The following NTSR1 variants were observed in gnomAD, a reference collection of about 807,000 sequenced individuals.
The protein encoded by NTSR1 is neurotensin receptor type 1.
In NTSR1, 29 loss-of-function variants were observed where a neutral mutation model predicts 31.2. The ratio of observed to expected loss-of-function variants is 0.93; its 90% CI spans 0.69 to 1.27. The LOEUF (loss-of-function observed/expected upper bound fraction) is 1.27, where lower values mean the gene tolerates loss of function less well. NTSR1 is among the 50% of genes most tolerant of loss of function. The pLI is 0.00. For synonymous variants in NTSR1, 282 were observed against 269.9 expected, an observed-to-expected ratio of 1.04 and a Z score of -0.44; for missense variants, 697 against 595.4, an observed-to-expected ratio of 1.17 and a Z score of -1.78.
intron 1 of NTSR1, among the ~76,000 whole-genome samples, chr20:62,713,119 G>C (rs781144123): frequency 2.0e-5 from 3 of 152,302 alleles, no homozygotes; most frequent in Non-Finnish European, 2.9e-5. Flanking sequence ...TCACAGGCAC[G>C]AGTCCATTAG....
At chr20:62,752,698 T>C (rs1472668017) in intron 1 of NTSR1, among the ~76,000 whole-genome samples, 4 of 152,308 alleles carry the variant, frequency 2.6e-5, no homozygotes, top group South Asian at 2.1e-4. Flanking sequence ...GTTGGATACA[T>C]TGGTGCTGTT....
rs984943868 is a variant in NTSR1, at chr20:62,709,027, C to T, written c.-181C>T. On this transcript the variant is annotated 5_prime_UTR_variant, in exon 1 of 4. Coordinates refer to ENST00000370501, the MANE Select transcript of NTSR1 (RefSeq NM_002531.3). ...CCGGAGGAGAGCGGAGCCCGGAGCC[C>T]GGAGCCCGGGGCGGCGCGTCTGGGT... 1.1e-5 allele frequency: 5 copies of T among 472,756 alleles called. No homozygotes were observed. The highest frequency in any genetic ancestry group is 5.4e-4 in the Middle Eastern group (1 of 1,868). 29.3% of individuals were successfully genotyped at this position (472,756 alleles called of 1,614,324 possible). A position where few individuals can be genotyped will look rare whatever the true frequency, so the allele number is the denominator to read the frequency against.
chr20:62,749,738 A>G (rs1989360703), intron 1 of NTSR1, among the ~76,000 whole-genome samples: 1 of 152,198 alleles, frequency 6.6e-6, no homozygotes, highest in Admixed American at 6.5e-5. Context: ...TCAAAACCAC[A>G]GTGAGCTATC....
intron 1 of NTSR1, among the ~76,000 whole-genome samples, chr20:62,746,170 C>T (rs1989297579): frequency 6.6e-6 from 1 of 152,188 alleles, no homozygotes; most frequent in African/African-American, 2.4e-5. Context: ...CCCCACACTA[C>T]CCCAGCCTGG....
At chr20:62,737,211 T>G (rs1171010795) in intron 1 of NTSR1, among the ~76,000 whole-genome samples, 1 of 152,158 alleles carries the variant, frequency 6.6e-6, no homozygotes, top group Non-Finnish European at 1.5e-5. Flanking sequence ...CACCTGGAGT[T>G]GTAAAGTTTC....
chr20:62,738,678 C>T (rs1328610398), intron 1 of NTSR1, among the ~76,000 whole-genome samples: 1 of 152,264 alleles, frequency 6.6e-6, no homozygotes, highest in Non-Finnish European at 1.5e-5. Context: ...TGCACTGCCT[C>T]TCTTCTGCCC....
At chr20:62,746,083 G>A (rs3787526) in intron 1 of NTSR1, among the ~76,000 whole-genome samples, 26,258 of 152,158 alleles carry the variant, frequency 0.17, 4,046 homozygotes, top group African/African-American at 0.41. Flanking sequence ...AGGGACGGGG[G>A]CCACACTAGC....
chr20:62,750,282 T>C (rs1989370667), intron 1 of NTSR1, among the ~76,000 whole-genome samples: 1 of 151,926 alleles, frequency 6.6e-6, no homozygotes, highest in Non-Finnish European at 1.5e-5. Flanking sequence ...GAGCACTGAG[T>C]GCTGGGGGAG....
chr20:62,710,932 C>T (rs77696049), intron 1 of NTSR1, among the ~76,000 whole-genome samples: 3,294 of 152,254 alleles, frequency 0.022, 125 homozygotes, highest in African/African-American at 0.076. Context: ...TACCTCTGCC[C>T]AGCTAGAGGG....
At position 62,732,591 on chromosome 20, in the gene NTSR1, T is replaced by C. The variant is rs1374071224; in HGVS notation, c.715-22094T>C. The C allele has an allele frequency of 1.3e-5, 2 of 152,222 alleles. No homozygotes were observed. The highest frequency in any genetic ancestry group is 2.9e-5 in the Non-Finnish European group (2 of 68,050). 9.4% of individuals were successfully genotyped at this position (152,222 alleles called of 1,614,324 possible). On this transcript the variant is annotated intron_variant, in intron 1 of 3. Transcript: ENST00000370501. The surrounding 1 kb of genome is among the most constrained non-coding windows in gnomAD (Gnocchi z 4.0). The stretch of plus-strand genomic sequence containing the variant: ...GGGAAATCCTGTGGTGTATAATTCT[T>C]AGTATGTGATGCTGGATTTGCTGCT...
chr20:62,759,753 A>G (rs374231118), intron 3 of NTSR1, among the ~76,000 whole-genome samples: 10 of 136,676 alleles, frequency 7.3e-5, no homozygotes, highest in African/African-American at 2.7e-5. Flanking sequence ...CCAGCCTGGG[A>G]GACAGAGCGA....
intron 1 of NTSR1, among the ~76,000 whole-genome samples, chr20:62,725,702 A>G (rs868176033): frequency 4.6e-5 from 7 of 152,172 alleles, no homozygotes; most frequent in African/African-American, 1.4e-4. Context: ...AGGTGGGCAC[A>G]GACGCCGCCG....
intron 1 of NTSR1, among the ~76,000 whole-genome samples, chr20:62,730,683 G>A (rs115683765): frequency 2.1e-4 from 32 of 152,348 alleles, no homozygotes; most frequent in African/African-American, 7.0e-4. Flanking sequence ...GCACGGCTGC[G>A]CCATTTTGAA....
At chr20:62,710,817 A>G (rs563489567) in intron 1 of NTSR1, among the ~76,000 whole-genome samples, 8 of 152,252 alleles carry the variant, frequency 5.3e-5, no homozygotes, top group South Asian at 2.1e-4. Flanking sequence ...CCGGTCGGGA[A>G]CTTTGAAAGG....
At position 62,760,340 on chromosome 20, in the gene NTSR1, C is replaced by T; in HGVS notation, c.*73C>T. On this transcript the variant is annotated 3_prime_UTR_variant, in exon 4 of 4. Coordinates refer to ENST00000370501, the MANE Select transcript of NTSR1 (RefSeq NM_002531.3). ...TGCCCCCGACAGACAGAGCAGCCCCCACCCGGGAGCCTTGATGGGGGTCAG... is the reference window on the plus strand; with the variant it reads ...TGCCCCCGACAGACAGAGCAGCCCCTACCCGGGAGCCTTGATGGGGGTCAG... 3.3e-6 allele frequency: 5 copies of T among 1,515,488 alleles called. No individual in the cohort carries two copies. The South Asian group carries it at 5.1e-5, about 15-fold the overall frequency. The allele number at this position is 1,515,488 out of a possible 1,614,324, so 93.9% of individuals were successfully genotyped here. A position where few individuals can be genotyped will look rare whatever the true frequency, so the allele number is the denominator to read the frequency against.
At chr20:62,722,185 G>A (rs1212103028) in intron 1 of NTSR1, among the ~76,000 whole-genome samples, 2 of 152,136 alleles carry the variant, frequency 1.3e-5, no homozygotes, top group African/African-American at 4.8e-5. Flanking sequence ...TTGAACTTGG[G>A]TCGGCTTGGT....
At chr20:62,724,133 G>A (rs1298000406) in intron 1 of NTSR1, among the ~76,000 whole-genome samples, 2 of 152,324 alleles carry the variant, frequency 1.3e-5, no homozygotes, top group African/African-American at 4.8e-5. Flanking sequence ...AGTTTGCTTT[G>A]CCAAAGTGGC....
At position 62,745,925 on chromosome 20, in the gene NTSR1, G is replaced by A. The variant is rs1989292682; in HGVS notation, c.715-8760G>A. Reference sequence around the variant, plus strand: ...TTTAGAGACAAATCGAAAGGCGCCAGGGTGCTGTGGCATCAGTGGCGCTGA... The same window carrying A: ...TTTAGAGACAAATCGAAAGGCGCCAAGGTGCTGTGGCATCAGTGGCGCTGA... On this transcript the variant is annotated intron_variant, in intron 1 of 3. Coordinates refer to ENST00000370501, the MANE Select transcript of NTSR1 (RefSeq NM_002531.3). This position sits in a 1 kb window ranked among gnomAD's most constrained non-coding sequence, Gnocchi z 4.1. Among the ~76,000 whole-genome samples the A allele has an allele frequency of 6.6e-6, 1 of 152,250 alleles. No homozygotes were observed. Among genetic ancestry groups the A allele is most frequent in the Non-Finnish European group, 1.5e-5 (1 of 68,044 alleles).
chr20:62,713,206 C>G (rs887786426), intron 1 of NTSR1, among the ~76,000 whole-genome samples: 1 of 152,224 alleles, frequency 6.6e-6, no homozygotes, highest in Non-Finnish European at 1.5e-5. Context: ...CCTGCAGGCT[C>G]AGCCTCCCTG....
Sources: allele counts gnomAD v4.1 joint callset (sites outside exome capture counted in the v4.1 genomes callset), GRCh38; gene constraint gnomAD v4.1.1; non-coding constraint Gnocchi (gnomAD v3.1); transcripts MANE v1.5; gene names NCBI Gene and HGNC (gene_info 2026-07-23, HGNC 2026-07-21).